DCLK1: variants seen among roughly 807,000 people sequenced by gnomAD.
The protein encoded by DCLK1 is doublecortin like kinase 1, also known as serine/threonine-protein kinase DCLK1.
In DCLK1, 16 loss-of-function variants were observed where a neutral mutation model predicts 86.2. The ratio of observed to expected loss-of-function variants is 0.19; its 90% CI spans 0.13 to 0.28. The LOEUF (loss-of-function observed/expected upper bound fraction) is 0.28, where lower values mean the gene tolerates loss of function less well. Ranked by LOEUF, DCLK1 falls within the 10% of genes least tolerant of loss-of-function variation. The pLI, the probability that DCLK1 is intolerant of heterozygous loss-of-function variation, is 1.00. For synonymous variants in DCLK1, 369 were observed against 370.5 expected (o/e 1.00, Z 0.05); for missense variants, 590 against 940.2 (o/e 0.63, Z 4.87).
At chr13:35,873,450 T>A (rs1872413308) in intron 4 of DCLK1, among the ~76,000 whole-genome samples, 1 of 151,772 alleles carries the variant, frequency 6.6e-6, no homozygotes, top group Non-Finnish European at 1.5e-5. Flanking sequence ...AGTGGCGTGA[T>A]CTCGGGTCAC....
chr13:35,982,014 T>G (rs1218992732), intron 3 of DCLK1, among the ~76,000 whole-genome samples: 2 of 152,232 alleles, frequency 1.3e-5, no homozygotes, highest in Non-Finnish European at 1.5e-5. Flanking sequence ...CCTTCATTCA[T>G]GTATTTTTTT....
At chr13:35,867,066 G>A (rs551617322) in intron 5 of DCLK1, among the ~76,000 whole-genome samples, 158 of 152,244 alleles carry the variant, frequency 1.0e-3, no homozygotes, top group African/African-American at 3.6e-3. Context: ...TGGTCCTGAG[G>A]TCACTGGCAC....
chr13:36,091,534 T>A (rs189065799), intron 3 of DCLK1, among the ~76,000 whole-genome samples: 454 of 152,294 alleles, frequency 3.0e-3, no homozygotes, highest in Middle Eastern at 0.017. Context: ...CATTTGGCCA[T>A]CAAAATGGAA....
At chr13:35,847,178 CAA>C in intron 6 of DCLK1, 1 of 967,124 alleles carries the variant, frequency 1.0e-6, no homozygotes, top group African/African-American at 1.8e-5. Flanking sequence ...ATAGTTAACA[CAA>C]TATTGGATTT....
intron 4 of DCLK1, among the ~76,000 whole-genome samples, chr13:35,891,253 T>C (rs1171256046): frequency 6.6e-6 from 1 of 152,174 alleles, no homozygotes; most frequent in East Asian, 1.9e-4. Context: ...TGTTGAATTT[T>C]ATAATTTTTT....
intron 2 of DCLK1, among the ~76,000 whole-genome samples, chr13:36,122,262 C>T (rs1190954985): frequency 1.3e-5 from 2 of 152,096 alleles, no homozygotes; most frequent in Non-Finnish European, 2.9e-5. Context: ...CTTATGCAAA[C>T]TGCAGCTCCA....
At chr13:36,086,179 T>C (rs1051810682) in intron 3 of DCLK1, among the ~76,000 whole-genome samples, 1 of 152,204 alleles carries the variant, frequency 6.6e-6, no homozygotes, top group African/African-American at 2.4e-5. Flanking sequence ...CCATCTGACA[T>C]CACTGTTTGC....
intron 3 of DCLK1, among the ~76,000 whole-genome samples, chr13:36,011,936 G>A (rs981540670): frequency 6.6e-6 from 1 of 150,402 alleles, no homozygotes; most frequent in Non-Finnish European, 1.5e-5. Context: ...ATATATTTAG[G>A]ATAGTTAGCT....
chr13:36,045,340 A>ATCTATATC lies in DCLK1; in HGVS notation c.723+66528_723+66529insGATATAGA, dbSNP rs765084884. The stretch of plus-strand genomic sequence containing the variant: ...TATATGTGTGTGTGTGTGTATATAT[A>ATCTATATC]TATATATATATATATATATATATAT... On this transcript the variant is annotated intron_variant, in intron 3 of 16. Transcript: ENST00000360631. Among the ~76,000 whole-genome samples the ATCTATATC allele has an allele frequency of 1.1e-3, 109 of 96,990 alleles. 2 individuals are homozygous for ATCTATATC. In the Middle Eastern group the frequency reaches 0.017, roughly 15 times the overall value. 63.6% of individuals were successfully genotyped at this position (96,990 alleles called of 152,430 possible). A position where few individuals can be genotyped will look rare whatever the true frequency, so the allele number is the denominator to read the frequency against.
chr13:35,968,174 C>G (rs1306482879), intron 3 of DCLK1, among the ~76,000 whole-genome samples: 1 of 152,060 alleles, frequency 6.6e-6, no homozygotes, highest in Non-Finnish European at 1.5e-5. Flanking sequence ...TATGAGGTAC[C>G]TAGAATAGTG....
chr13:35,854,377 G>C, intron 6 of DCLK1, 122 bp downstream of exon 6: 1 of 635,812 alleles, frequency 1.6e-6, no homozygotes, highest in Non-Finnish European at 2.4e-6. Context: ...ACCCCTCATT[G>C]GTCACCTCCT....
intron 4 of DCLK1, among the ~76,000 whole-genome samples, chr13:35,898,781 G>A (rs7321664): frequency 0.096 from 14,528 of 151,734 alleles, 891 homozygotes; most frequent in African/African-American, 0.17. Context: ...CTGCTCTGTC[G>A]CCCAGGATGG....
intron 16 of DCLK1, among the ~76,000 whole-genome samples, chr13:35,778,698 C>G (rs577697700): frequency 1.3e-5 from 2 of 152,268 alleles, no homozygotes; most frequent in Non-Finnish European, 2.9e-5. Flanking sequence ...TCCTGGGAAC[C>G]ATGTGAAGTC....
chr13:36,078,690 TG>T (rs1884304767), intron 3 of DCLK1, among the ~76,000 whole-genome samples: 1 of 152,224 alleles, frequency 6.6e-6, no homozygotes, highest in Non-Finnish European at 1.5e-5. Flanking sequence ...TAAGTGCAGA[TG>T]AAAAGACAAA....
intron 3 of DCLK1, among the ~76,000 whole-genome samples, chr13:35,950,118 C>A (rs1877586347): frequency 6.6e-6 from 1 of 152,184 alleles, no homozygotes; most frequent in East Asian, 1.9e-4. Context: ...CTCACAACTT[C>A]CCATTGGAAA....
intron 4 of DCLK1, among the ~76,000 whole-genome samples, chr13:35,902,525 T>A (rs140344518): frequency 6.6e-6 from 1 of 152,168 alleles, no homozygotes; most frequent in African/African-American, 2.4e-5. Context: ...ACTTGGCAGC[T>A]GTGGGCGTAG....
intron 4 of DCLK1, among the ~76,000 whole-genome samples, chr13:35,885,155 T>A (rs1873151339): frequency 6.6e-6 from 1 of 152,042 alleles, no homozygotes; most frequent in African/African-American, 2.4e-5. Flanking sequence ...AGGAATGAGG[T>A]ATCTGTGTTT....
At chr13:36,085,977 G>T (rs564298985) in intron 3 of DCLK1, among the ~76,000 whole-genome samples, 69 of 152,278 alleles carry the variant, frequency 4.5e-4, no homozygotes, top group Non-Finnish European at 8.2e-4. Context: ...CTTCTGTGAA[G>T]AAATCTTTAA....
Position 35,940,378 on chromosome 13 carries a change from T to G in DCLK1, c.823+6980A>C, listed in dbSNP as rs546966900. Among the ~76,000 whole-genome samples, 33 of 152,186 alleles carry G rather than the reference T, an allele frequency of 2.2e-4. 1 individual carries two copies. Among genetic ancestry groups the G allele is most frequent in the Admixed American group, 1.8e-3 (28 of 15,292 alleles). On this transcript the variant is annotated intron_variant, in intron 4 of 16. Transcript: ENST00000360631. ...AGGTACTTGAGCTTAGCACACTGCC[T>G]GGTACATAGTAAGTTAGCTTATTGA...
Sources: allele counts gnomAD v4.1 joint callset (sites outside exome capture counted in the v4.1 genomes callset), GRCh38; gene constraint gnomAD v4.1.1; transcripts MANE v1.5; gene names NCBI Gene and HGNC (gene_info 2026-07-23, HGNC 2026-07-21).